The following SLC25A26 variants were observed in gnomAD, a reference collection of about 807,000 sequenced individuals.
The protein encoded by SLC25A26 is mitochondrial S-adenosylmethionine carrier protein.
SLC25A26 carries 36 observed loss-of-function variants against 37.8 expected under a neutral mutation model. The observed-to-expected ratio is 0.95, with a 90% CI of 0.73 to 1.26. SLC25A26 has a LOEUF of 1.26. Ranked by LOEUF, SLC25A26 falls within the 50% of genes most tolerant of loss-of-function variation. SLC25A26 has a pLI of 0.00. For synonymous variants in SLC25A26, 129 were observed against 122.5 expected (o/e 1.05, Z -0.35); for missense variants, 390 against 331.1 (o/e 1.18, Z -1.38).
chr3:66,286,323 C>CT (rs1258883101), intron 5 of SLC25A26, among the ~76,000 whole-genome samples: 1 of 152,100 alleles, frequency 6.6e-6, no homozygotes, highest in Non-Finnish European at 1.5e-5. Flanking sequence ...TTTTATAGCT[C>CT]TATGTTTTAC....
At chr3:66,299,462 T>C (rs1485890359) in intron 5 of SLC25A26, among the ~76,000 whole-genome samples, 2 of 152,198 alleles carry the variant, frequency 1.3e-5, no homozygotes, top group African/African-American at 2.4e-5. Flanking sequence ...AATGCTGGGA[T>C]TATAAGTGTG....
At chr3:66,297,205 G>A (rs1332365324) in intron 5 of SLC25A26, among the ~76,000 whole-genome samples, 5 of 151,892 alleles carry the variant, frequency 3.3e-5, no homozygotes, top group Admixed American at 1.3e-4. Context: ...GTGGGTGCCT[G>A]TAATCCCAGC....
At chr3:66,324,821 C>G (rs60424949) in intron 5 of SLC25A26, among the ~76,000 whole-genome samples, 2 of 149,934 alleles carry the variant, frequency 1.3e-5, no homozygotes. Context: ...CTTTTTTTGC[C>G]TTATATTCTC....
intron 7 of SLC25A26, among the ~76,000 whole-genome samples, chr3:66,366,963 C>A (rs1402172314): frequency 6.6e-6 from 1 of 152,214 alleles, no homozygotes; most frequent in Non-Finnish European, 1.5e-5. Flanking sequence ...GCATTCCTGG[C>A]ATGCCAGATA....
At chr3:66,144,158 T>A (rs1310948511) in intron 1 of SLC25A26, among the ~76,000 whole-genome samples, 1 of 152,036 alleles carries the variant, frequency 6.6e-6, no homozygotes, top group Non-Finnish European at 1.5e-5. Context: ...ACCTGAATGA[T>A]AACAAGGAAC....
chr3:66,320,668 T>A (rs186612724), intron 5 of SLC25A26, among the ~76,000 whole-genome samples: 53 of 152,294 alleles, frequency 3.5e-4, no homozygotes, highest in African/African-American at 1.2e-3. Context: ...TCAAACTGTT[T>A]TCCACAGTGG....
chr3:66,216,621 GTT>G (rs1219184012), upstream of SLC25A26, among the ~76,000 whole-genome samples: 2 of 143,418 alleles, frequency 1.4e-5, no homozygotes, highest in Non-Finnish European at 1.5e-5. Flanking sequence ...TTTTGTTTTT[GTT>G]TTTTTTTTTG....
Position 66,172,017 on chromosome 3 carries a change from C to T in SLC25A26, c.-354+38033C>T, listed in dbSNP as rs976751052. The stretch of plus-strand genomic sequence containing the variant: ...CCTAGGTGACACAGTCTTATTCCAT[C>T]AACATCCTGCGCTCCCCTCCTCTGA... On this transcript the variant is annotated intron_variant, in intron 1 of 10. Transcript: ENST00000676754. Among the ~76,000 whole-genome samples the T allele has an allele frequency of 5.9e-5, 9 of 152,278 alleles. 1 individual carries two copies. Among genetic ancestry groups the T allele is most frequent in the Admixed American group, 3.3e-4 (5 of 15,298 alleles).
At chr3:66,139,306 C>A (rs766659813) in intron 1 of SLC25A26, among the ~76,000 whole-genome samples, 5 of 152,184 alleles carry the variant, frequency 3.3e-5, no homozygotes, top group Non-Finnish European at 7.3e-5. Context: ...CCTCTTATTT[C>A]TCCATTTTTG....
intron 6 of SLC25A26, among the ~76,000 whole-genome samples, chr3:66,352,831 G>C (rs1194204941): frequency 1.3e-5 from 2 of 151,876 alleles, no homozygotes; most frequent in Non-Finnish European, 2.9e-5. Flanking sequence ...TCAGGCCTTA[G>C]ATCACATGTC....
chr3:66,221,227 T>C, intron 1 of SLC25A26, 100 bp downstream of exon 1: 2 of 1,300,344 alleles, frequency 1.5e-6, no homozygotes, highest in Non-Finnish European at 2.1e-6. Flanking sequence ...TTTTGCGGGC[T>C]GGACTGTCCT....
chr3:66,304,994 A>G (rs977439801), intron 5 of SLC25A26, among the ~76,000 whole-genome samples: 1 of 152,216 alleles, frequency 6.6e-6, no homozygotes, highest in Non-Finnish European at 1.5e-5. Flanking sequence ...ACACGGTAGT[A>G]TCACTTGTTA....
intron 6 of SLC25A26, among the ~76,000 whole-genome samples, chr3:66,356,569 TC>T (rs929186339): frequency 1.3e-5 from 2 of 152,208 alleles, no homozygotes; most frequent in Non-Finnish European, 2.9e-5. Flanking sequence ...GTTGTACCAA[TC>T]TCAGTCTTGT....
chr3:66,269,458 G>A (rs772656064), intron 5 of SLC25A26, among the ~76,000 whole-genome samples: 1 of 152,142 alleles, frequency 6.6e-6, no homozygotes, highest in Non-Finnish European at 1.5e-5. Context: ...GTATTCACTG[G>A]CTACTTATGT....
At chr3:66,373,009 C>A (rs1425222201) in intron 9 of SLC25A26, among the ~76,000 whole-genome samples, 1 of 152,218 alleles carries the variant, frequency 6.6e-6, no homozygotes, top group East Asian at 1.9e-4. Context: ...AGGTGAAGAC[C>A]TTGTTCTGGC....
intron 1 of SLC25A26, among the ~76,000 whole-genome samples, chr3:66,185,783 C>T (rs1234573125): frequency 6.6e-6 from 1 of 151,874 alleles, no homozygotes; most frequent in South Asian, 2.1e-4. Context: ...CTTACATTCA[C>T]CCTGACTCTC....
chr3:66,174,344 A>G (rs1209724493), intron 1 of SLC25A26, among the ~76,000 whole-genome samples: 2 of 152,140 alleles, frequency 1.3e-5, no homozygotes, highest in Non-Finnish European at 2.9e-5. Flanking sequence ...GCACATTTCC[A>G]TTTTGCACCA....
intron 9 of SLC25A26, among the ~76,000 whole-genome samples, chr3:66,376,832 G>A (rs1575630561): frequency 6.6e-6 from 1 of 152,248 alleles, no homozygotes; most frequent in East Asian, 1.9e-4. Flanking sequence ...ATTCAGTTTA[G>A]GGCTTAAGAC....
intron 9 of SLC25A26, among the ~76,000 whole-genome samples, chr3:66,374,805 C>T (rs764990941): frequency 3.0e-4 from 46 of 151,948 alleles, no homozygotes; most frequent in Non-Finnish European, 4.4e-4. Flanking sequence ...CACCTGAGCT[C>T]AGCAGGTAGA....
Sources: gnomAD v4.1 joint callset for allele counts (sites outside exome capture counted in the v4.1 genomes callset) on GRCh38, gnomAD v4.1.1 for gene constraint, MANE v1.5 for transcripts, NCBI Gene and HGNC (gene_info 2026-07-23, HGNC 2026-07-21) for gene names.